KBTBD11: variants seen among roughly 807,000 people sequenced by gnomAD.
KBTBD11 encodes kelch repeat and BTB domain containing 11, also known as kelch repeat and BTB domain-containing protein 11.
For synonymous variants in KBTBD11, 747 were observed against 499.0 expected (o/e 1.50, Z -6.63); for missense variants, 1,390 against 1,001.8 (o/e 1.39, Z -5.23).
rs577327075 is a variant in KBTBD11 at position 1,985,833 on chromosome 8, C to T, written c.-909+11898C>T. 3.3e-5 allele frequency among the ~76,000 whole-genome samples: 5 copies of T among 152,306 alleles called. No individual in the cohort carries two copies. The South Asian group carries it at 1.0e-3, about 32-fold the overall frequency. On this transcript the variant is annotated intron_variant, in intron 1 of 1. Coordinates refer to ENST00000320248, the MANE Select transcript of KBTBD11 (RefSeq NM_014867.3). Reference sequence around the variant, plus strand: ...TAAAAACCAGTATGTTGACAATCTTCATCTATAAATCATATTTAGTGAGAC... The same window carrying T: ...TAAAAACCAGTATGTTGACAATCTTTATCTATAAATCATATTTAGTGAGAC...
At chr8:1,974,829 T>C (rs1352820449) in intron 1 of KBTBD11, 1 of 366,618 alleles carries the variant, frequency 2.7e-6, no homozygotes, top group Non-Finnish European at 3.8e-6. Flanking sequence ...CCAGTGTCTA[T>C]TCTAAGGAAA....
chr8:1,991,633 A>T (rs1431960428), intron 1 of KBTBD11, among the ~76,000 whole-genome samples: 2 of 151,464 alleles, frequency 1.3e-5, no homozygotes, highest in African/African-American at 4.9e-5. Flanking sequence ...ACCAGGTCAG[A>T]AGAGCTCAGG....
intron 1 of KBTBD11, among the ~76,000 whole-genome samples, chr8:1,989,901 A>T (rs984049131): frequency 6.7e-6 from 1 of 148,684 alleles, no homozygotes; most frequent in Admixed American, 6.7e-5. Context: ...TCACTAGGGA[A>T]CAGATAACGA....
At chr8:1,998,146 G>A (rs977900786) in intron 1 of KBTBD11, among the ~76,000 whole-genome samples, 8 of 152,210 alleles carry the variant, frequency 5.3e-5, no homozygotes, top group African/African-American at 1.7e-4. Flanking sequence ...TTTCAGATTT[G>A]GGGTTTTGGG....
intron 1 of KBTBD11, among the ~76,000 whole-genome samples, chr8:1,984,797 A>G: frequency 6.6e-6 from 1 of 152,176 alleles, no homozygotes; most frequent in South Asian, 2.1e-4. Context: ...TCGTATCATT[A>G]AACGAAAGTG....
Position 2,002,135 on chromosome 8 carries a change from C to G in KBTBD11, c.943C>G (p.Pro315Ala). ...GCGCGCGGGCAGCCGGCCTCAGAGCCCCTCGGGGGACGCGGACGCGCGCGG... is the reference window on the plus strand; with the variant it reads ...GCGCGCGGGCAGCCGGCCTCAGAGCGCCTCGGGGGACGCGGACGCGCGCGG... ...GERAGSRPQS[P>A]SGDADARGDA... is the part of the protein sequence containing the mutation. The change falls in exon 2 of 2, where the codon CCC becomes GCC. Residue 315 changes from proline to alanine, a missense_variant. Pro to Ala is a conservative substitution (Grantham distance 27). Transcript: ENST00000320248. The surrounding 1 kb of genome is among the most constrained non-coding windows in gnomAD (Gnocchi z 4.1). 1 of 1,154,946 alleles carries G rather than the reference C, an allele frequency of 8.7e-7. No individual in the cohort carries two copies. Among genetic ancestry groups the G allele is most frequent in the Non-Finnish European group, 1.1e-6 (1 of 941,712 alleles). The allele number at this position is 1,154,946 out of a possible 1,614,324, so 71.5% of individuals were successfully genotyped here. A position where few individuals can be genotyped will look rare whatever the true frequency, so the allele number is the denominator to read the frequency against.
chr8:1,976,100 C>T (rs1158008819), intron 1 of KBTBD11: 1 of 152,190 alleles, frequency 6.6e-6, no homozygotes, highest in Admixed American at 6.5e-5. Flanking sequence ...TCTAAGCCTC[C>T]TTGCATCCAA....
rs1242430856 is a variant in KBTBD11, at chr8:2,002,243, G to A, written c.1051G>A (p.Gly351Ser). 38 of 1,286,528 alleles carry A rather than the reference G, an allele frequency of 3.0e-5. No homozygotes were observed. The highest frequency in any genetic ancestry group is 3.0e-4 in the Middle Eastern group (1 of 3,384). 79.7% of individuals were successfully genotyped at this position (1,286,528 alleles called of 1,614,324 possible). A position where few individuals can be genotyped will look rare whatever the true frequency, so the allele number is the denominator to read the frequency against. The change falls in exon 2 of 2, where the codon GGC becomes AGC. Residue 351 changes from glycine to serine, a missense_variant. Transcript: ENST00000320248. The surrounding 1 kb of genome is among the most constrained non-coding windows in gnomAD (Gnocchi z 4.1). ...TRLPEGAPAR[G>S]CGLCVLYNYL... ...GCTGCCCGAGGGCGCGCCGGCGCGG[G>A]GCTGCGGCCTGTGCGTCCTCTACAA...
Position 2,002,945 on chromosome 8 carries a change from G to A in KBTBD11, c.1753G>A (p.Ala585Thr). ...PAREGEAGGDAGQGGGFEALG... is the reference protein window; with the variant it reads ...PAREGEAGGDTGQGGGFEALG... ...CCGGGAAGGCGAGGCCGGCGGCGAC[G>A]CAGGCCAGGGCGGCGGCTTCGAGGC... is the stretch of plus-strand genomic sequence containing the variant. The change falls in exon 2 of 2, where the codon GCA becomes ACA. Residue 585 changes from alanine (A) to threonine (T), a missense_variant. Transcript: ENST00000320248. The surrounding 1 kb of genome is among the most constrained non-coding windows in gnomAD (Gnocchi z 4.1). The A allele has an allele frequency of 7.6e-7, 1 of 1,316,288 alleles. No homozygotes were observed. The highest frequency in any genetic ancestry group is 9.7e-7 in the Non-Finnish European group (1 of 1,034,766). The allele number at this position is 1,316,288 out of a possible 1,614,324, so 81.5% of individuals were successfully genotyped here.
At position 1,993,521 on chromosome 8, in the gene KBTBD11, C is replaced by T. The variant is rs1341698565; in HGVS notation, c.-908-6764C>T. Among the ~76,000 whole-genome samples, 284 of 33,240 alleles carry T rather than the reference C, an allele frequency of 8.5e-3. 1 individual carries two copies. Among genetic ancestry groups the T allele is most frequent in the Middle Eastern group, 0.016 (1 of 62 alleles). 21.8% of individuals were successfully genotyped at this position (33,240 alleles called of 152,430 possible). ...TCCATCCATCCATCCATCCATCCACCCATCCATCCACCCACCCACCCACCC... is the reference window on the plus strand; with the variant it reads ...TCCATCCATCCATCCATCCATCCACTCATCCATCCACCCACCCACCCACCC... On this transcript the variant is annotated intron_variant, in intron 1 of 1. Transcript: ENST00000320248.
intron 1 of KBTBD11, 108 bp downstream of exon 1, chr8:1,974,043 G>A (rs1276311914): frequency 2.2e-6 from 2 of 923,418 alleles, no homozygotes; most frequent in Non-Finnish European, 2.6e-6. Context: ...CGGCGAGAGC[G>A]GCAGTAGGCG....
intron 1 of KBTBD11, among the ~76,000 whole-genome samples, chr8:1,982,348 A>C (rs1816565360): frequency 6.6e-6 from 1 of 152,174 alleles, no homozygotes; most frequent in Non-Finnish European, 1.5e-5. Flanking sequence ...GGAACAAAAG[A>C]CCTACAAAAC....
chr8:1,997,166 C>A (rs1336492622), intron 1 of KBTBD11, among the ~76,000 whole-genome samples: 1 of 152,096 alleles, frequency 6.6e-6, no homozygotes, highest in Non-Finnish European at 1.5e-5. Context: ...TCAGTAATTT[C>A]ACAGTAACAA....
At chr8:1,988,511 T>G (rs1314371079) in intron 1 of KBTBD11, among the ~76,000 whole-genome samples, 1 of 152,370 alleles carries the variant, frequency 6.6e-6, no homozygotes, top group Non-Finnish European at 1.5e-5. Context: ...CATGTGTCTG[T>G]CGGCTGCATA....
chr8:1,974,245 C>T (rs1816238466), intron 1 of KBTBD11: 5 of 962,568 alleles, frequency 5.2e-6, no homozygotes, highest in Non-Finnish European at 6.2e-6. Context: ...GCGTGGGGGC[C>T]TCCTCGCGGG....
intron 1 of KBTBD11, among the ~76,000 whole-genome samples, chr8:1,984,885 C>A (rs1003033115): frequency 3.9e-5 from 6 of 152,136 alleles, no homozygotes; most frequent in Admixed American, 6.5e-5. Context: ...TTGGCCTTCT[C>A]GGCTGTTATC....
At position 1,990,496 on chromosome 8, in the gene KBTBD11, C is replaced by T. The variant is rs568875565; in HGVS notation, c.-908-9789C>T. Among the ~76,000 whole-genome samples, 61 of 96,460 alleles carry T rather than the reference C, an allele frequency of 6.3e-4. 1 individual carries two copies. The highest frequency in any genetic ancestry group is 2.0e-3 in the African/African-American group (46 of 23,022). The allele number at this position is 96,460 out of a possible 152,430, so 63.3% of individuals were successfully genotyped here. A position where few individuals can be genotyped will look rare whatever the true frequency, so the allele number is the denominator to read the frequency against. On this transcript the variant is annotated intron_variant, in intron 1 of 1. Coordinates refer to ENST00000320248, the MANE Select transcript of KBTBD11 (RefSeq NM_014867.3). ...TGCTGCTGGGACTTGGCGCCCTGTC[C>T]GGGTAGATGCTGCGGGGCCTTGGCG...
chr8:1,987,593 G>C (rs886261700), intron 1 of KBTBD11, among the ~76,000 whole-genome samples: 1 of 152,072 alleles, frequency 6.6e-6, no homozygotes, highest in Non-Finnish European at 1.5e-5. Flanking sequence ...TGTCAAGCTT[G>C]TCTGTACCTC....
In KBTBD11 at chr8:2,001,863, C is replaced by A; in HGVS notation, c.671C>A (p.Thr224Asn). The change falls in exon 2 of 2, where the codon ACC becomes AAC. Residue 224 changes from threonine to asparagine, a missense_variant. Coordinates refer to ENST00000320248, the MANE Select transcript of KBTBD11 (RefSeq NM_014867.3). ...LQLPGAAQRATDAVGPQLSLA... is the reference protein window; with the variant it reads ...LQLPGAAQRANDAVGPQLSLA... ...CTGCCCGGCGCCGCGCAGCGCGCCA[C>A]CGACGCCGTGGGGCCGCAGCTGAGC... is the stretch of plus-strand genomic sequence containing the variant. 7.7e-7 allele frequency: 1 copy of A among 1,302,518 alleles called. No homozygotes were observed. The highest frequency in any genetic ancestry group is 3.3e-5 in the Admixed American group (1 of 30,298). 80.7% of individuals were successfully genotyped at this position (1,302,518 alleles called of 1,614,324 possible).
Sources: allele counts gnomAD v4.1 joint callset (sites outside exome capture counted in the v4.1 genomes callset), GRCh38; gene constraint gnomAD v4.1.1; non-coding constraint Gnocchi (gnomAD v3.1); transcripts MANE v1.5; gene names NCBI Gene and HGNC (gene_info 2026-07-23, HGNC 2026-07-21).